TTC28: variants seen among roughly 807,000 people sequenced by gnomAD.
TTC28 encodes the protein tetratricopeptide repeat domain 28.
In TTC28, 61 loss-of-function variants were observed where a neutral mutation model predicts 198.0. The ratio of observed to expected loss-of-function variants is 0.31; its 90% CI spans 0.25 to 0.38. TTC28 has a LOEUF of 0.38. TTC28 is among the 10% of genes least tolerant of loss of function. The probability of loss-of-function intolerance (pLI) is 1.00; values close to 1 mark genes in which losing one functional copy is unlikely to be tolerated. For synonymous variants in TTC28, 1,171 were observed against 1,297.8 expected (o/e 0.90, Z 2.10); for missense variants, 2,678 against 3,164.0 (o/e 0.85, Z 3.69).
In TTC28 at chr22:28,096,187, T is replaced by C. The variant is rs764262918; in HGVS notation, c.3766+3A>G. 3.2e-6 allele frequency: 5 copies of C among 1,539,374 alleles called. No individual in the cohort carries two copies. The highest frequency in any genetic ancestry group is 2.7e-5 in the African/African-American group (2 of 72,922). On this transcript the variant is annotated splice_donor_region_variant and intron_variant, in intron 11 of 22. Transcript: ENST00000397906. ...GCCCTGTTCCCACAGAAAGAGATCT[T>C]ACCTGCCCCAGGAGCCAGCAGCCAG... is the stretch of plus-strand genomic sequence containing the variant.
chr22:28,226,634 G>A (rs7284763), intron 5 of TTC28, among the ~76,000 whole-genome samples: 1 of 152,082 alleles, frequency 6.6e-6, no homozygotes, highest in Non-Finnish European at 1.5e-5. Flanking sequence ...CACCATGTTG[G>A]CCAGGCTGGT....
rs80198413 is a variant in TTC28, at chr22:28,497,943, G to A, written c.381+131609C>T. Among the ~76,000 whole-genome samples the A allele has an allele frequency of 2.0e-5, 3 of 152,098 alleles. No individual in the cohort carries two copies. The East Asian group carries it at 5.8e-4, about 29-fold the overall frequency. ...TAAACTAAATTTATAATTTTTAATG[G>A]TAATGTTGAAGCTGGAACAATTAGC... On this transcript the variant is annotated intron_variant, in intron 2 of 22. Transcript: ENST00000397906.
intron 2 of TTC28, among the ~76,000 whole-genome samples, chr22:28,547,959 T>C (rs2049580064): frequency 6.6e-6 from 1 of 151,772 alleles, no homozygotes; most frequent in Non-Finnish European, 1.5e-5. Flanking sequence ...ATACGAAAAT[T>C]GTGGGTCATT....
intron 7 of TTC28, among the ~76,000 whole-genome samples, chr22:28,106,419 G>A (rs1436775322): frequency 1.3e-5 from 2 of 152,172 alleles, no homozygotes; most frequent in African/African-American, 4.8e-5. Flanking sequence ...AACCAGTTGT[G>A]TGGGGCACAT....
intron 5 of TTC28, among the ~76,000 whole-genome samples, chr22:28,219,283 T>C (rs1320299795): frequency 6.6e-6 from 1 of 151,906 alleles, no homozygotes; most frequent in Admixed American, 6.6e-5. Context: ...TCGAGGCAGG[T>C]GGACTGCCTG....
At position 28,392,290 on chromosome 22, in the gene TTC28, T is replaced by C. The variant is rs2146071969; in HGVS notation, c.382-85647A>G. ...TAAGTCTGCAGAGGTTACTGCTGTC[T>C]TTTTGTTTGTCTGTGCCCTGCCCCC... On this transcript the variant is annotated intron_variant, in intron 2 of 22. Coordinates refer to ENST00000397906, the MANE Select transcript of TTC28 (RefSeq NM_001145418.2). Among the ~76,000 whole-genome samples the C allele has an allele frequency of 2.6e-5, 4 of 152,316 alleles. No homozygotes were observed. The Middle Eastern group carries it at 0.01, about 389-fold the overall frequency.
intron 21 of TTC28, among the ~76,000 whole-genome samples, chr22:27,987,778 G>T (rs943963130): frequency 6.6e-6 from 1 of 152,186 alleles, no homozygotes; most frequent in African/African-American, 2.4e-5. Context: ...CCCAAGGCTT[G>T]CCCTATGGCT....
intron 13 of TTC28, among the ~76,000 whole-genome samples, chr22:28,022,091 C>T (rs1938628826): frequency 6.6e-6 from 1 of 152,254 alleles, no homozygotes; most frequent in Non-Finnish European, 1.5e-5. Flanking sequence ...CCCCACCACT[C>T]CATGCAGTCA....
chr22:28,282,435 AAATTTCCTGTGCTGTCG>A (rs1230561977), intron 5 of TTC28, among the ~76,000 whole-genome samples: 2 of 152,236 alleles, frequency 1.3e-5, no homozygotes, highest in South Asian at 2.1e-4. Context: ...GATGATAAAA[AAATTTCCTGTGCTGTCG>A]AATATGGCCA....
rs201181363 is a variant in TTC28 at position 28,624,786 on chromosome 22, G to GA, written c.381+4765dup. 6.9e-3 allele frequency among the ~76,000 whole-genome samples: 1,026 copies of GA among 149,188 alleles called. 8 individuals carry two copies. Among genetic ancestry groups the GA allele is most frequent in the African/African-American group, 0.022 (914 of 40,714 alleles). On this transcript the variant is annotated intron_variant, in intron 2 of 22. Transcript: ENST00000397906. ...CCAAAACGAAACAAATACATCATGA[G>GA]AAAAAAAAAGGCTACAGATCAGTAT...
At chr22:28,293,747 T>A (rs567759225) in intron 5 of TTC28, among the ~76,000 whole-genome samples, 1 of 152,322 alleles carries the variant, frequency 6.6e-6, no homozygotes, top group South Asian at 2.1e-4. Context: ...AAATGAATGG[T>A]ACTTTATAAT....
At chr22:28,222,947 C>T (rs1214916540) in intron 5 of TTC28, among the ~76,000 whole-genome samples, 1 of 152,064 alleles carries the variant, frequency 6.6e-6, no homozygotes, top group Non-Finnish European at 1.5e-5. Context: ...GGCTCTTTGG[C>T]CTAAAACAAT....
intron 12 of TTC28, among the ~76,000 whole-genome samples, chr22:28,063,246 T>C (rs918984479): frequency 1.3e-5 from 2 of 152,190 alleles, no homozygotes; most frequent in African/African-American, 4.8e-5. Flanking sequence ...CTCTAGGTCT[T>C]TCCATTCCAA....
intron 2 of TTC28, among the ~76,000 whole-genome samples, chr22:28,336,327 G>T (rs1211175689): frequency 6.6e-6 from 1 of 152,072 alleles, no homozygotes; most frequent in African/African-American, 2.4e-5. Flanking sequence ...ACCAGGCGTT[G>T]GTTATCAGGA....
chr22:28,678,810 C>G (rs1304117861), intron 1 of TTC28, among the ~76,000 whole-genome samples: 2 of 152,172 alleles, frequency 1.3e-5, no homozygotes, highest in Non-Finnish European at 2.9e-5. Context: ...AAAACCGGCT[C>G]CTGCTTGCAG....
At chr22:28,313,081 C>T (rs1416381517) in intron 2 of TTC28, among the ~76,000 whole-genome samples, 1 of 152,130 alleles carries the variant, frequency 6.6e-6, no homozygotes, top group Non-Finnish European at 1.5e-5. Context: ...ATACTATAAA[C>T]ACCTCTACGC....
rs960301635 is a variant in TTC28 at position 28,589,788 on chromosome 22, C to T, written c.381+39764G>A. Among the ~76,000 whole-genome samples, 7 of 152,078 alleles carry T rather than the reference C, an allele frequency of 4.6e-5. No homozygotes were observed. The East Asian group carries it at 1.4e-3, about 30-fold the overall frequency. Reference sequence around the variant, plus strand: ...GGCATGGTGGCTCACGCCTGTAATCCTAGCACTTTGGGAGGCCAAGGCGGG... The same window carrying T: ...GGCATGGTGGCTCACGCCTGTAATCTTAGCACTTTGGGAGGCCAAGGCGGG... On this transcript the variant is annotated intron_variant, in intron 2 of 22. Coordinates refer to ENST00000397906, the MANE Select transcript of TTC28 (RefSeq NM_001145418.2).
intron 6 of TTC28, among the ~76,000 whole-genome samples, chr22:28,127,326 G>A (rs1448993308): frequency 2.0e-5 from 3 of 152,170 alleles, no homozygotes; most frequent in Non-Finnish European, 2.9e-5. Flanking sequence ...ACTAAGAAGT[G>A]TAAGGCATGA....
chr22:28,384,474 T>C (rs1034005257), intron 2 of TTC28, among the ~76,000 whole-genome samples: 1 of 152,226 alleles, frequency 6.6e-6, no homozygotes, highest in South Asian at 2.1e-4. Flanking sequence ...ATGTTTACCA[T>C]CTCTTTGTCC....
Sources: gnomAD v4.1 joint callset for allele counts (sites outside exome capture counted in the v4.1 genomes callset) on GRCh38, gnomAD v4.1.1 for gene constraint, MANE v1.5 for transcripts, NCBI Gene and HGNC (gene_info 2026-07-23, HGNC 2026-07-21) for gene names.